The following ASTN2 variants were observed in gnomAD, a reference collection of about 807,000 sequenced individuals.
The protein encoded by ASTN2 is astrotactin 2.
ASTN2 carries 54 observed loss-of-function variants against 139.8 expected under a neutral mutation model. The observed-to-expected ratio is 0.39, with a 90% CI of 0.31 to 0.48. The LOEUF (loss-of-function observed/expected upper bound fraction) is 0.48, where lower values mean the gene tolerates loss of function less well. Ranked by LOEUF, ASTN2 falls within the 20% of genes least tolerant of loss-of-function variation. The probability of loss-of-function intolerance (pLI) is 0.95; values close to 1 mark genes in which losing one functional copy is unlikely to be tolerated. For synonymous variants in ASTN2, 756 were observed against 719.5 expected (o/e 1.05, Z -0.81); for missense variants, 1,565 against 1,725.1 (o/e 0.91, Z 1.64).
intron 19 of ASTN2, among the ~76,000 whole-genome samples, chr9:116,610,184 C>A (rs1376038175): frequency 2.0e-5 from 3 of 152,106 alleles, no homozygotes; most frequent in African/African-American, 7.2e-5. Flanking sequence ...TATAAATGGT[C>A]TAAACACCCC....
chr9:116,612,354 G>A (rs1855588346), intron 19 of ASTN2: 2 of 152,126 alleles, frequency 1.3e-5, no homozygotes, highest in African/African-American at 4.8e-5. Flanking sequence ...ATTGAACTCA[G>A]CTCTGCACCA....
chr9:117,291,882 C>G (rs1490891448), intron 1 of ASTN2, among the ~76,000 whole-genome samples: 2 of 152,148 alleles, frequency 1.3e-5, no homozygotes, highest in African/African-American at 2.4e-5. Context: ...GGAAAGAAAT[C>G]CATGAAAGGA....
chr9:116,836,063 C>T (rs1302344289), intron 11 of ASTN2, among the ~76,000 whole-genome samples: 1 of 152,142 alleles, frequency 6.6e-6, no homozygotes, highest in Non-Finnish European at 1.5e-5. Context: ...CCCCATGTGG[C>T]CTTCTCTGAT....
chr9:116,759,872 A>C (rs1273152883), intron 13 of ASTN2, among the ~76,000 whole-genome samples: 1 of 152,136 alleles, frequency 6.6e-6, no homozygotes, highest in Non-Finnish European at 1.5e-5. Flanking sequence ...CCTGACACAT[A>C]AACCTGCTCA....
chr9:116,454,440 A>C (rs1307936109), intron 20 of ASTN2, among the ~76,000 whole-genome samples: 1 of 152,200 alleles, frequency 6.6e-6, no homozygotes, highest in Non-Finnish European at 1.5e-5. Flanking sequence ...ACACTTTTAC[A>C]CTGTTGGTGG....
At chr9:117,193,654 AAAG>A (rs1301088283) in intron 3 of ASTN2, among the ~76,000 whole-genome samples, 1 of 149,304 alleles carries the variant, frequency 6.7e-6, no homozygotes, top group African/African-American at 2.5e-5. Context: ...AAAAAAAAAA[AAAG>A]AAAAAGAAAA....
At chr9:116,604,247 T>C (rs147010274) in intron 19 of ASTN2, among the ~76,000 whole-genome samples, 73 of 152,206 alleles carry the variant, frequency 4.8e-4, no homozygotes, top group African/African-American at 1.6e-3. Context: ...CTTTGTGATA[T>C]AGAAGGCAGG....
At chr9:116,622,266 C>T (rs1053990236) in intron 17 of ASTN2, among the ~76,000 whole-genome samples, 1 of 152,190 alleles carries the variant, frequency 6.6e-6, no homozygotes, top group Non-Finnish European at 1.5e-5. Flanking sequence ...GCTTCCATCA[C>T]ATTTCTCCTG....
At chr9:116,577,549 A>G (rs1853773154) in intron 19 of ASTN2, among the ~76,000 whole-genome samples, 1 of 152,050 alleles carries the variant, frequency 6.6e-6, no homozygotes, top group Non-Finnish European at 1.5e-5. Context: ...AAAGAAAAAG[A>G]AAAAGAAAAA....
At chr9:117,107,587 G>T (rs140127079) in intron 4 of ASTN2, among the ~76,000 whole-genome samples, 1 of 151,932 alleles carries the variant, frequency 6.6e-6, no homozygotes, top group African/African-American at 2.4e-5. Flanking sequence ...TTCTTTTTGC[G>T]TTTTGATGTC....
At chr9:116,605,399 A>C (rs540124995) in intron 19 of ASTN2, among the ~76,000 whole-genome samples, 20 of 152,158 alleles carry the variant, frequency 1.3e-4, no homozygotes, top group Non-Finnish European at 2.5e-4. Context: ...GAATCCCATG[A>C]AGAAAAAGAG....
intron 19 of ASTN2, among the ~76,000 whole-genome samples, chr9:116,603,502 T>G (rs1169207221): frequency 6.6e-6 from 1 of 151,846 alleles, no homozygotes; most frequent in East Asian, 1.9e-4. Context: ...GGACAGAAAA[T>G]CCACAAAAAC....
intron 1 of ASTN2, among the ~76,000 whole-genome samples, chr9:117,299,660 T>C (rs755048711): frequency 9.2e-5 from 14 of 152,136 alleles, no homozygotes; most frequent in East Asian, 1.9e-4. Flanking sequence ...CCATGGAGCA[T>C]CACCTAGCAG....
chr9:116,764,245 C>G (rs1829748274), intron 13 of ASTN2, among the ~76,000 whole-genome samples: 1 of 152,190 alleles, frequency 6.6e-6, no homozygotes, highest in South Asian at 2.1e-4. Flanking sequence ...CTTATGGGGA[C>G]TGCCTCGGCC....
intron 1 of ASTN2, among the ~76,000 whole-genome samples, chr9:117,307,544 A>G (rs554509578): frequency 3.2e-4 from 48 of 152,306 alleles, no homozygotes; most frequent in African/African-American, 1.1e-3. Flanking sequence ...GCCCTCCCAC[A>G]TGCATGCTCC....
intron 10 of ASTN2, among the ~76,000 whole-genome samples, chr9:116,910,839 G>A (rs2132420333): frequency 6.6e-6 from 1 of 152,298 alleles, no homozygotes; most frequent in East Asian, 1.9e-4. Flanking sequence ...TGGAGAGAAG[G>A]GATGAAATAG....
chr9:116,470,190 C>G (rs748128546), intron 20 of ASTN2, among the ~76,000 whole-genome samples: 1 of 151,306 alleles, frequency 6.6e-6, no homozygotes, highest in Non-Finnish European at 1.5e-5. Flanking sequence ...GGTGACAGAG[C>G]GAGACACCAT....
chr9:116,838,589 A>ATTTTTT (rs34871450), intron 11 of ASTN2, among the ~76,000 whole-genome samples: 1 of 130,142 alleles, frequency 7.7e-6, no homozygotes, highest in Non-Finnish European at 1.6e-5. Context: ...ATGCCCAGCA[A>ATTTTTT]TTTTTTTTTT....
chr9:117,053,121 T>C (rs768982668), intron 5 of ASTN2, among the ~76,000 whole-genome samples: 15 of 152,192 alleles, frequency 9.9e-5, no homozygotes, highest in Non-Finnish European at 1.9e-4. Context: ...AGGCACTTGA[T>C]GTGCACTGTT....
Sources: gnomAD v4.1 joint callset for allele counts (sites outside exome capture counted in the v4.1 genomes callset) on GRCh38, gnomAD v4.1.1 for gene constraint, MANE v1.5 for transcripts, NCBI Gene and HGNC (gene_info 2026-07-23, HGNC 2026-07-21) for gene names.